The following XYLT1 variants were observed in gnomAD, a reference collection of about 807,000 sequenced individuals.
XYLT1 encodes xylosyltransferase 1.
Under a neutral mutation model 91.3 loss-of-function variants are expected in XYLT1, and 36 were observed. That is an observed-to-expected ratio of 0.39 (90% CI 0.30 to 0.52). The LOEUF is 0.52. Ranked by LOEUF, XYLT1 falls within the 20% of genes least tolerant of loss-of-function variation. The pLI, the probability that XYLT1 is intolerant of heterozygous loss-of-function variation, is 0.68. For synonymous variants in XYLT1, 588 were observed against 532.0 expected (o/e 1.11, Z -1.45); for missense variants, 1,242 against 1,284.5 (o/e 0.97, Z 0.51).
chr16:17,146,894 C>T (rs1288558628), intron 6 of XYLT1, among the ~76,000 whole-genome samples: 2 of 152,180 alleles, frequency 1.3e-5, no homozygotes, highest in Non-Finnish European at 2.9e-5. Flanking sequence ...TCCTATGTCA[C>T]GGGTCTTGCT....
intron 1 of XYLT1, among the ~76,000 whole-genome samples, chr16:17,447,233 A>G (rs549722653): frequency 3.4e-4 from 51 of 152,152 alleles, no homozygotes; most frequent in African/African-American, 1.2e-3. Context: ...ACCAACCACT[A>G]TCACTCTCAA....
At chr16:17,407,948 C>T (rs953117616) in intron 1 of XYLT1, among the ~76,000 whole-genome samples, 3 of 152,212 alleles carry the variant, frequency 2.0e-5, no homozygotes, top group African/African-American at 7.2e-5. Context: ...CTTCCCCTCC[C>T]TCTCTCTTGC....
chr16:17,321,340 GC>G (rs1208580175), intron 2 of XYLT1, among the ~76,000 whole-genome samples: 1 of 97,564 alleles, frequency 1.0e-5, no homozygotes, highest in African/African-American at 3.8e-5. Context: ...GTACTAACTA[GC>G]CTTTTTTTTT....
chr16:17,148,499 C>A (rs1379265783), intron 6 of XYLT1, among the ~76,000 whole-genome samples: 2 of 152,162 alleles, frequency 1.3e-5, no homozygotes, highest in Admixed American at 6.5e-5. Flanking sequence ...ACAACTGGTG[C>A]TTAATAAATA....
Position 17,198,328 on chromosome 16 carries a change from G to A in XYLT1, c.1173C>T (p.Ile391=), listed in dbSNP as rs764606754. ...TGGACAGGAGGCTGGCTCCTCCCCAGATGGTGGCCATTCTCCAGGGGGTGA... is the reference window on the plus strand; with the variant it reads ...TGGACAGGAGGCTGGCTCCTCCCCAAATGGTGGCCATTCTCCAGGGGGTGA... ...VRVTPWRMAT[I]WGGASLLSTY... is the part of the protein sequence containing the mutation. Residue 391 remains isoleucine (I), a synonymous_variant, in exon 5 of 12, where the codon ATC becomes ATT. Coordinates refer to ENST00000261381, the MANE Select transcript of XYLT1 (RefSeq NM_022166.4). 3.7e-6 allele frequency: 6 copies of A among 1,614,108 alleles called. No homozygotes were observed. The highest frequency in any genetic ancestry group is 1.7e-5 in the Admixed American group (1 of 60,014).
intron 3 of XYLT1, among the ~76,000 whole-genome samples, chr16:17,201,885 G>C (rs2032551054): frequency 6.6e-6 from 1 of 152,120 alleles, no homozygotes; most frequent in East Asian, 1.9e-4. Flanking sequence ...ACATTGCCAA[G>C]GGGGGATGAG....
chr16:17,136,651 G>T (rs1055122494), intron 8 of XYLT1, among the ~76,000 whole-genome samples: 2 of 151,714 alleles, frequency 1.3e-5, no homozygotes, highest in South Asian at 2.1e-4. Flanking sequence ...CTCTGCCTGC[G>T]ATTCCGACCA....
rs772350827 is a variant in XYLT1 at position 17,134,671 on chromosome 16, C to T, written c.1829G>A (p.Gly610Glu). The stretch of plus-strand genomic sequence containing the variant: ...CCCGTACAGGTAATAGTCCAGCTGC[C>T]CAATGATTTCCTGATTCACCACGGC... ...FEAVVNQEII[G>E]QLDYYLYGNY... Residue 610 changes from glycine (G) to glutamate (E), a missense_variant, in exon 9 of 12, where the codon GGG becomes GAG. By Grantham distance (98) the Gly-to-Glu change is moderately conservative. Around this residue, in one of 3 missense-constraint regions of XYLT1, gnomAD observed 511 missense variants for 497.0 expected, o/e 1.03. Transcript: ENST00000261381. 1 of 1,614,132 alleles carries T rather than the reference C, an allele frequency of 6.2e-7. No individual in the cohort carries two copies. The highest frequency in any genetic ancestry group is 1.7e-5 in the Admixed American group (1 of 60,014).
At chr16:17,155,357 C>T (rs4782028) in intron 6 of XYLT1, among the ~76,000 whole-genome samples, 137,283 of 150,958 alleles carry the variant, frequency 0.91, 61,943 homozygotes, top group Middle Eastern at 0.96. Flanking sequence ...GAGTCTGGGC[C>T]TGATGATATA....
At chr16:17,279,342 G>T (rs941992777) in intron 2 of XYLT1, among the ~76,000 whole-genome samples, 6 of 152,208 alleles carry the variant, frequency 3.9e-5, no homozygotes, top group Non-Finnish European at 5.9e-5. Context: ...AACACAAATT[G>T]TAGCTGTTAC....
At chr16:17,275,130 T>C (rs1469932251) in intron 2 of XYLT1, among the ~76,000 whole-genome samples, 1 of 152,056 alleles carries the variant, frequency 6.6e-6, no homozygotes, top group Admixed American at 6.6e-5. Context: ...TGAGCCAATA[T>C]TGCGCCACTG....
chr16:17,446,834 C>A (rs1001416647), intron 1 of XYLT1, among the ~76,000 whole-genome samples: 5 of 149,150 alleles, frequency 3.4e-5, no homozygotes, highest in Non-Finnish European at 7.4e-5. Flanking sequence ...CTGAGGCCAC[C>A]CGCTGCTCCC....
intron 2 of XYLT1, 73 bp from the exon 3 acceptor site, chr16:17,259,571 A>T: frequency 6.5e-7 from 1 of 1,540,396 alleles, no homozygotes; most frequent in Non-Finnish European, 8.8e-7. Flanking sequence ...GCCTTTGAAG[A>T]GTGAGTCATA....
At chr16:17,298,049 G>A (rs540522227) in intron 2 of XYLT1, among the ~76,000 whole-genome samples, 1 of 152,118 alleles carries the variant, frequency 6.6e-6, no homozygotes, top group Non-Finnish European at 1.5e-5. Context: ...TTCCTGCCGA[G>A]GGAGCCAGTG....
intron 3 of XYLT1, among the ~76,000 whole-genome samples, chr16:17,252,440 A>C (rs966635906): frequency 6.6e-6 from 1 of 152,066 alleles, no homozygotes; most frequent in Non-Finnish European, 1.5e-5. Context: ...GTGTGGCTCA[A>C]AACAAATTTC....
At chr16:17,205,472 C>G (rs2032625902) in intron 3 of XYLT1, among the ~76,000 whole-genome samples, 1 of 152,238 alleles carries the variant, frequency 6.6e-6, no homozygotes, top group Non-Finnish European at 1.5e-5. Context: ...TGCAATCTCT[C>G]CAAGCCTTAG....
chr16:17,152,934 A>G (rs1275619122), intron 6 of XYLT1, among the ~76,000 whole-genome samples: 1 of 152,270 alleles, frequency 6.6e-6, no homozygotes, highest in African/African-American at 2.4e-5. Context: ...GTCGATACAT[A>G]TAAGGTCAAT....
intron 1 of XYLT1, among the ~76,000 whole-genome samples, chr16:17,411,941 G>A (rs993523979): frequency 3.9e-5 from 6 of 152,136 alleles, no homozygotes; most frequent in Middle Eastern, 3.4e-3. Context: ...TAGGTGGCCC[G>A]GAGGCCTAAG....
intron 1 of XYLT1, chr16:17,446,525 T>C (rs545233362): frequency 6.6e-6 from 1 of 152,052 alleles, no homozygotes; most frequent in South Asian, 2.1e-4. Context: ...CAACAGGTGA[T>C]GCTGCCTCTT....
Sources: gnomAD v4.1 joint callset for allele counts (sites outside exome capture counted in the v4.1 genomes callset) on GRCh38, gnomAD v4.1.1 for gene constraint, gnomAD v4.1.1 regional missense constraint, MANE v1.5 for transcripts, NCBI Gene and HGNC (gene_info 2026-07-23, HGNC 2026-07-21) for gene names.